The following SGK1 variants were observed in gnomAD, a reference collection of about 807,000 sequenced individuals.
The protein encoded by SGK1 is serum/glucocorticoid regulated kinase 1.
In SGK1, 26 loss-of-function variants were observed where a neutral mutation model predicts 64.2. The observed-to-expected ratio is 0.40, with a 90% CI of 0.30 to 0.56. SGK1 has a LOEUF of 0.56. SGK1 is among the 20% of genes least tolerant of loss of function. The pLI is 0.38. For missense variants in SGK1, 519 were observed against 645.6 expected, an observed-to-expected ratio of 0.80 and a Z score of 2.12; for synonymous variants, 265 against 239.7, an observed-to-expected ratio of 1.11 and a Z score of -0.98.
In SGK1 at chr6:134,174,497, C is replaced by A. The variant is rs1255754293; in HGVS notation, c.437+14G>T. 1 of 1,599,602 alleles carries A rather than the reference C, an allele frequency of 6.3e-7. No homozygotes were observed. The highest frequency in any genetic ancestry group is 1.7e-5 in the Admixed American group (1 of 59,898). On this transcript the variant is annotated intron_variant, in intron 4 of 13. Coordinates refer to ENST00000367858, the MANE Select transcript of SGK1 (RefSeq NM_001143676.3). ...AACTATACTAGTTATTTCCTCAAAT[C>A]CGGTCAAACTTACTGTTTGCATGCA...
rs1255062575 is a variant in SGK1 at position 134,307,004 on chromosome 6, G to C, written c.69+10388C>G. Reference sequence around the variant, plus strand: ...TAACTTTAGAAATGAAGACACATTAGAAATTTGCATTGCTCTGAGTTTTGT... The same window carrying C: ...TAACTTTAGAAATGAAGACACATTACAAATTTGCATTGCTCTGAGTTTTGT... On this transcript the variant is annotated intron_variant, in intron 1 of 13. Transcript: ENST00000367858. Among the ~76,000 whole-genome samples, 2 of 150,786 alleles carry C rather than the reference G, an allele frequency of 1.3e-5. 1 individual carries two copies. Among genetic ancestry groups the C allele is most frequent in the East Asian group, 3.9e-4 (2 of 5,148 alleles).
chr6:134,284,491 CTT>C (rs34917996), intron 1 of SGK1, among the ~76,000 whole-genome samples: 5 of 143,054 alleles, frequency 3.5e-5, no homozygotes, highest in Admixed American at 7.0e-5. Context: ...TTCTTTCTTT[CTT>C]TTTTTTTTTT....
chr6:134,172,594 C>T, intron 9 of SGK1, 68 bp downstream of exon 9: 1 of 1,043,624 alleles, frequency 9.6e-7, no homozygotes, highest in Non-Finnish European at 1.5e-6. Context: ...TTTTAAGGCC[C>T]TATGAAACAG....
At chr6:134,268,305 C>T (rs1234509934) in intron 1 of SGK1, among the ~76,000 whole-genome samples, 2 of 152,222 alleles carry the variant, frequency 1.3e-5, no homozygotes, top group Non-Finnish European at 2.9e-5. Context: ...ATGCCAGCGG[C>T]AGCCTGGGCT....
chr6:134,177,683 G>C (rs909317901), intron 3 of SGK1: 49 of 1,613,814 alleles, frequency 3.0e-5, no homozygotes, highest in Non-Finnish European at 4.1e-5. Context: ...GGGTTTTATA[G>C]CTTCTTCTTT....
intron 3 of SGK1, among the ~76,000 whole-genome samples, chr6:134,187,017 T>C (rs1299241292): frequency 6.6e-6 from 1 of 152,110 alleles, no homozygotes; most frequent in Non-Finnish European, 1.5e-5. Flanking sequence ...GGTTTCAGTA[T>C]GTAGGTCAAG....
intron 2 of SGK1, among the ~76,000 whole-genome samples, chr6:134,248,718 C>T (rs1042882429): frequency 1.3e-5 from 2 of 152,098 alleles, no homozygotes; most frequent in Admixed American, 6.6e-5. Flanking sequence ...TCCTCATATA[C>T]AACCAATCTC....
At chr6:134,218,168 C>T (rs1776017241) in intron 2 of SGK1, among the ~76,000 whole-genome samples, 1 of 152,088 alleles carries the variant, frequency 6.6e-6, no homozygotes, top group African/African-American at 2.4e-5. Flanking sequence ...AATCGAGGTC[C>T]AGAGGGTAAC....
chr6:134,306,643 C>A (rs1260903108), intron 1 of SGK1, among the ~76,000 whole-genome samples: 2 of 151,914 alleles, frequency 1.3e-5, no homozygotes, highest in Admixed American at 1.3e-4. Flanking sequence ...GGCACCTCAG[C>A]CTCCTGAGTA....
chr6:134,172,225 T>G lies in SGK1; in HGVS notation c.1039A>C (p.Ser347Arg). Reference protein sequence around the residue: ...GLCKENIEHNSTTSTFCGTPE... With the variant: ...GLCKENIEHNRTTSTFCGTPE... The stretch of plus-strand genomic sequence containing the variant: ...GTGCCACAGAAGGTGGATGTTGTGC[T>G]GTTGTGTTCAATGTTCTCCTTGCAG... Residue 347 changes from serine (S) to arginine (R), a missense_variant, in exon 10 of 14, where the codon AGC becomes CGC. Ser to Arg is a moderately radical substitution (Grantham distance 110, BLOSUM62 -1). This residue lies in a region of SGK1 where 278 missense variants were observed against 408.7 expected (regional missense o/e 0.68). Transcript: ENST00000367858. 6.2e-7 allele frequency: 1 copy of G among 1,614,234 alleles called. No homozygotes were observed. Among genetic ancestry groups the G allele is most frequent in the Non-Finnish European group, 8.5e-7 (1 of 1,180,026 alleles).
At chr6:134,309,265 A>G (rs570167556) in intron 1 of SGK1, among the ~76,000 whole-genome samples, 10 of 152,300 alleles carry the variant, frequency 6.6e-5, no homozygotes, top group South Asian at 4.1e-4. Context: ...GAGAGTAAAC[A>G]AACTATAATA....
chr6:134,182,455 C>A (rs1775345529), intron 3 of SGK1, among the ~76,000 whole-genome samples: 1 of 151,146 alleles, frequency 6.6e-6, no homozygotes, highest in Non-Finnish European at 1.5e-5. Flanking sequence ...GGGATTATGC[C>A]ACTGCACTCC....
At chr6:134,282,525 C>T (rs570821677) in intron 1 of SGK1, among the ~76,000 whole-genome samples, 1 of 150,384 alleles carries the variant, frequency 6.6e-6, no homozygotes, top group Non-Finnish European at 1.5e-5. Context: ...TGGTGGCGCA[C>T]ACCTGTAATT....
intron 1 of SGK1, chr6:134,297,938 C>G (rs953366002): frequency 1.1e-5 from 9 of 807,210 alleles, no homozygotes; most frequent in Non-Finnish European, 1.8e-5. Context: ...GCGCCTTGAC[C>G]TCAGTGATGA....
At chr6:134,172,515 T>TAA in intron 9 of SGK1, 147 bp downstream of exon 9, 1 of 779,636 alleles carries the variant, frequency 1.3e-6, no homozygotes, top group South Asian at 1.8e-5. Context: ...CCTTGGCACT[T>TAA]AAGTCAAGCC....
At chr6:134,224,597 C>T (rs1282267953) in intron 2 of SGK1, among the ~76,000 whole-genome samples, 2 of 152,140 alleles carry the variant, frequency 1.3e-5, no homozygotes, top group Non-Finnish European at 2.9e-5. Flanking sequence ...CCTTTTCTTT[C>T]AGTCTATATT....
rs369760659 is a variant in SGK1 at position 134,199,558 on chromosome 6, C to CA, written c.361+7797dup. On this transcript the variant is annotated intron_variant, in intron 3 of 13. Coordinates refer to ENST00000367858, the MANE Select transcript of SGK1 (RefSeq NM_001143676.3). ...TGGGCGACAGGGCAAGACTCTCTCT[C>CA]AAAAAAAAAAAAAAAAAAAGAAAGA... Among the ~76,000 whole-genome samples the CA allele has an allele frequency of 4.7e-3, 382 of 81,230 alleles. 6 individuals carry two copies. Among genetic ancestry groups the CA allele is most frequent in the African/African-American group, 0.015 (298 of 19,990 alleles). 53.3% of individuals were successfully genotyped at this position (81,230 alleles called of 152,430 possible).
At chr6:134,212,996 G>A (rs937510304) in intron 2 of SGK1, among the ~76,000 whole-genome samples, 5 of 151,896 alleles carry the variant, frequency 3.3e-5, no homozygotes, top group Admixed American at 6.6e-5. Flanking sequence ...ATGAAGTCAG[G>A]GTCTTCAAGA....
Position 134,232,421 on chromosome 6 carries a change from A to AAGAGAGAGAGAG in SGK1, c.286-24991_286-24990insCTCTCTCTCTCT, listed in dbSNP as rs762251415. ...GAAGAAAAAGAAAGAAAGAGAAAGAAAGAAAGAAAGAAAGAAAGAAAGAAA... is the reference window on the plus strand; with the variant it reads ...GAAGAAAAAGAAAGAAAGAGAAAGAAAGAGAGAGAGAGAGAAAGAAAGAAAGAAAGAAAGAAA... On this transcript the variant is annotated intron_variant, in intron 2 of 13. Coordinates refer to ENST00000367858, the MANE Select transcript of SGK1 (RefSeq NM_001143676.3). Among the ~76,000 whole-genome samples, 164 of 44,512 alleles carry AAGAGAGAGAGAG rather than the reference A, an allele frequency of 3.7e-3. 12 individuals carry two copies. Among genetic ancestry groups the AAGAGAGAGAGAG allele is most frequent in the African/African-American group, 0.012 (152 of 12,328 alleles). The allele number at this position is 44,512 out of a possible 152,430, so 29.2% of individuals were successfully genotyped here. A position where few individuals can be genotyped will look rare whatever the true frequency, so the allele number is the denominator to read the frequency against.
Sources: gnomAD v4.1 joint callset for allele counts (sites outside exome capture counted in the v4.1 genomes callset) on GRCh38, gnomAD v4.1.1 for gene constraint, gnomAD v4.1.1 regional missense constraint, MANE v1.5 for transcripts, NCBI Gene and HGNC (gene_info 2026-07-23, HGNC 2026-07-21) for gene names.